Variants in MVB12B observed in about 807,000 individuals in gnomAD.
The protein encoded by MVB12B is multivesicular body subunit 12B.
MVB12B carries 16 observed loss-of-function variants against 41.6 expected under a neutral mutation model. The observed-to-expected ratio is 0.38, with a 90% CI of 0.26 to 0.58. MVB12B has a LOEUF of 0.58. Ranked by LOEUF, MVB12B falls within the 20% of genes least tolerant of loss-of-function variation. The probability of loss-of-function intolerance (pLI) is 0.62; values close to 1 mark genes in which losing one functional copy is unlikely to be tolerated. For synonymous variants in MVB12B, 133 were observed against 139.7 expected (o/e 0.95, Z 0.34); for missense variants, 274 against 380.2 (o/e 0.72, Z 2.32).
rs1177080354 is a variant in MVB12B at position 126,340,279 on chromosome 9, C to T, written c.82-229C>T. Reference sequence around the variant, plus strand: ...CACCTCCTGAGAGTAGAGACAAGCTCTCATCTTAGCTCAGTGTTCAAAGCT... The same window carrying T: ...CACCTCCTGAGAGTAGAGACAAGCTTTCATCTTAGCTCAGTGTTCAAAGCT... On this transcript the variant is annotated intron_variant, in intron 1 of 9. Transcript: ENST00000361171. The surrounding 1 kb of genome is among the most constrained non-coding windows in gnomAD (Gnocchi z 4.0). Among the ~76,000 whole-genome samples, 1 of 152,082 alleles carries T rather than the reference C, an allele frequency of 6.6e-6. No homozygotes were observed. Among genetic ancestry groups the T allele is most frequent in the Admixed American group, 6.5e-5 (1 of 15,276 alleles).
At chr9:126,448,695 G>A (rs1410584482) in intron 7 of MVB12B, among the ~76,000 whole-genome samples, 1 of 152,068 alleles carries the variant, frequency 6.6e-6, no homozygotes, top group Non-Finnish European at 1.5e-5. Flanking sequence ...AAAGAGAAGG[G>A]GGAGGTCCCA....
chr9:126,369,889 G>A (rs1830288211), intron 2 of MVB12B, among the ~76,000 whole-genome samples: 2 of 152,116 alleles, frequency 1.3e-5, no homozygotes, highest in South Asian at 2.1e-4. Context: ...CTGACCTCAG[G>A]TGATCCACCC....
In MVB12B at chr9:126,392,038, A is replaced by C; in HGVS notation, c.410-28A>C. On this transcript the variant is annotated intron_variant, in intron 4 of 9. Transcript: ENST00000361171. This position sits in a 1 kb window ranked among gnomAD's most constrained non-coding sequence, Gnocchi z 4.8. ...AGATTCTGGTATCTCTGGAAAACTC[A>C]TACCTTTTCTATTGTCCTTTCCTTC... 1 of 1,613,736 alleles carries C rather than the reference A, an allele frequency of 6.2e-7. No individual in the cohort carries two copies. The highest frequency in any genetic ancestry group is 8.5e-7 in the Non-Finnish European group (1 of 1,179,656).
intron 2 of MVB12B, among the ~76,000 whole-genome samples, chr9:126,346,910 G>A (rs1829606124): frequency 6.6e-6 from 1 of 152,244 alleles, no homozygotes. Flanking sequence ...TGAACTTGGT[G>A]GCAAGCTCAG....
intron 2 of MVB12B, among the ~76,000 whole-genome samples, chr9:126,348,137 G>A (rs1429425045): frequency 6.6e-6 from 1 of 152,250 alleles, no homozygotes; most frequent in African/African-American, 2.4e-5. Flanking sequence ...CAAAACCAGA[G>A]CTTGTTTTGA....
chr9:126,382,208 C>T (rs891043370), intron 3 of MVB12B, among the ~76,000 whole-genome samples: 23 of 151,978 alleles, frequency 1.5e-4, no homozygotes, highest in African/African-American at 5.6e-4. Context: ...GCCCAGGGTC[C>T]CATCACAGGG....
chr9:126,416,797 T>C (rs1460181651), intron 6 of MVB12B, among the ~76,000 whole-genome samples: 1 of 152,142 alleles, frequency 6.6e-6, no homozygotes, highest in African/African-American at 2.4e-5. Flanking sequence ...GGTGATATAT[T>C]GAGGACCCCC....
At chr9:126,336,564 CT>C in intron 1 of MVB12B, among the ~76,000 whole-genome samples, 1 of 152,354 alleles carries the variant, frequency 6.6e-6, no homozygotes, top group East Asian at 1.9e-4. Flanking sequence ...TCCCCAAGCG[CT>C]ATCTGCAGCA....
chr9:126,376,505 C>T lies in MVB12B; in HGVS notation c.205-4559C>T. 1 of 1,289,126 alleles carries T rather than the reference C, an allele frequency of 7.8e-7. No individual in the cohort carries two copies. The highest frequency in any genetic ancestry group is 1.0e-6 in the Non-Finnish European group (1 of 988,814). The allele number at this position is 1,289,126 out of a possible 1,614,324, so 79.9% of individuals were successfully genotyped here. A position where few individuals can be genotyped will look rare whatever the true frequency, so the allele number is the denominator to read the frequency against. On this transcript the variant is annotated intron_variant, in intron 2 of 9. Transcript: ENST00000361171. This position sits in a 1 kb window ranked among gnomAD's most constrained non-coding sequence, Gnocchi z 4.1. ...GGTGGGGGGCCTGCTGGCTGGTGTGCTACACAGTGGGGCGACGAGCAGGGA... is the reference window on the plus strand; with the variant it reads ...GGTGGGGGGCCTGCTGGCTGGTGTGTTACACAGTGGGGCGACGAGCAGGGA...
intron 7 of MVB12B, among the ~76,000 whole-genome samples, chr9:126,437,888 G>T (rs1446083026): frequency 6.6e-6 from 1 of 151,958 alleles, no homozygotes; most frequent in African/African-American, 2.4e-5. Flanking sequence ...ATTTTTTATA[G>T]CCTTCTTATC....
rs941587686 is a variant in MVB12B, at chr9:126,367,345, T to C, written c.205-13719T>C. ...AGCTCCTCCCACCAGATCTCTGTGG[T>C]CGTATGGTCTGCTCTCTCTCTCTCA... On this transcript the variant is annotated intron_variant, in intron 2 of 9. Coordinates refer to ENST00000361171, the MANE Select transcript of MVB12B (RefSeq NM_033446.3). The surrounding 1 kb of genome is among the most constrained non-coding windows in gnomAD (Gnocchi z 4.3). Among the ~76,000 whole-genome samples, 2 of 151,924 alleles carry C rather than the reference T, an allele frequency of 1.3e-5. No homozygotes were observed. Among genetic ancestry groups the C allele is most frequent in the African/African-American group, 4.8e-5 (2 of 41,282 alleles).
At chr9:126,396,713 T>C in intron 6 of MVB12B, 1 of 985,394 alleles carries the variant, frequency 1.0e-6, no homozygotes, top group Non-Finnish European at 1.2e-6. Context: ...ATAAAGACAA[T>C]CTGGTCCTTC....
At chr9:126,402,971 GC>G (rs899417662) in intron 6 of MVB12B, among the ~76,000 whole-genome samples, 1 of 152,242 alleles carries the variant, frequency 6.6e-6, no homozygotes, top group Non-Finnish European at 1.5e-5. Context: ...CCAGCAGCCA[GC>G]CCTGTCTCAG....
chr9:126,456,424 T>C (rs1357147841), intron 7 of MVB12B, among the ~76,000 whole-genome samples: 3 of 152,198 alleles, frequency 2.0e-5, no homozygotes, highest in Admixed American at 2.0e-4. Flanking sequence ...TTAAATAAAT[T>C]TTGTCACTAA....
chr9:126,426,039 C>A (rs1053829396), intron 7 of MVB12B, among the ~76,000 whole-genome samples: 4 of 152,172 alleles, frequency 2.6e-5, no homozygotes, highest in Non-Finnish European at 4.4e-5. Flanking sequence ...ATATGAAAAT[C>A]TTTAGTGTTT....
intron 7 of MVB12B, among the ~76,000 whole-genome samples, chr9:126,466,715 TTTATAA>T (rs1332868369): frequency 2.6e-5 from 4 of 152,340 alleles, no homozygotes; most frequent in African/African-American, 9.6e-5. Context: ...AGATGCATAC[TTTATAA>T]TTAAGTAACT....
chr9:126,347,384 A>G (rs1336530452), intron 2 of MVB12B, among the ~76,000 whole-genome samples: 1 of 152,252 alleles, frequency 6.6e-6, no homozygotes, highest in African/African-American at 2.4e-5. Flanking sequence ...CTTTCTCTCA[A>G]CACTATTTAT....
intron 9 of MVB12B, among the ~76,000 whole-genome samples, chr9:126,501,621 G>A (rs1308106163): frequency 2.6e-5 from 4 of 152,312 alleles, no homozygotes; most frequent in African/African-American, 7.2e-5. Context: ...GCGCTAGTCT[G>A]TGGCCATGGA....
At chr9:126,370,187 G>A (rs1035636893) in intron 2 of MVB12B, among the ~76,000 whole-genome samples, 20 of 152,132 alleles carry the variant, frequency 1.3e-4, no homozygotes, top group Non-Finnish European at 1.5e-4. Flanking sequence ...GAACAAGTTA[G>A]GAATAGAATT....
Sources: gnomAD v4.1 joint callset for allele counts (sites outside exome capture counted in the v4.1 genomes callset) on GRCh38, gnomAD v4.1.1 for gene constraint, Gnocchi (gnomAD v3.1) non-coding constraint, MANE v1.5 for transcripts, NCBI Gene and HGNC (gene_info 2026-07-23, HGNC 2026-07-21) for gene names.